Variants in CHRM2 observed in about 807,000 individuals in gnomAD.
CHRM2 encodes cholinergic receptor muscarinic 2.
A neutral mutation model predicts 25.0 loss-of-function variants in CHRM2; 8 were observed. The observed-to-expected ratio is 0.32, with a 90% CI of 0.19 to 0.58. CHRM2 has a LOEUF of 0.58. Ranked by LOEUF, CHRM2 falls within the 20% of genes least tolerant of loss-of-function variation. The pLI is 0.88. For missense variants in CHRM2, 440 were observed against 567.1 expected (o/e 0.78, Z 2.28); for synonymous variants, 202 against 205.7 (o/e 0.98, Z 0.15).
At chr7:136,886,394 A>C (rs1796465482) in intron 2 of CHRM2, among the ~76,000 whole-genome samples, 1 of 152,232 alleles carries the variant, frequency 6.6e-6, no homozygotes, top group African/African-American at 2.4e-5. Context: ...CACTGAAAGA[A>C]GCCAAAAATT....
At chr7:136,959,417 G>A (rs565343935) in intron 2 of CHRM2, among the ~76,000 whole-genome samples, 19 of 152,270 alleles carry the variant, frequency 1.2e-4, no homozygotes, top group Non-Finnish European at 1.9e-4. Flanking sequence ...ATCTGGTTCC[G>A]GTATTGTAGA....
intron 2 of CHRM2, among the ~76,000 whole-genome samples, chr7:136,894,022 C>T (rs910746002): frequency 2.0e-5 from 3 of 152,148 alleles, no homozygotes; most frequent in African/African-American, 7.2e-5. Flanking sequence ...TGTTTTCTCA[C>T]CCTAGAGTCC....
intron 2 of CHRM2, among the ~76,000 whole-genome samples, chr7:136,985,210 A>G (rs1802766534): frequency 6.6e-6 from 1 of 152,116 alleles, no homozygotes; most frequent in African/African-American, 2.4e-5. Flanking sequence ...TAGGATTTTA[A>G]AGATTACTCG....
chr7:136,945,004 A>C (rs2130831393), intron 2 of CHRM2, among the ~76,000 whole-genome samples: 1 of 152,054 alleles, frequency 6.6e-6, no homozygotes, highest in South Asian at 2.1e-4. Context: ...TAATTAGTGA[A>C]GTTGAGCATT....
chr7:136,875,023 A>AATATAT (rs10573438), intron 2 of CHRM2, among the ~76,000 whole-genome samples: 8 of 147,900 alleles, frequency 5.4e-5, no homozygotes, highest in African/African-American at 1.2e-4. Context: ...TTTCTTGCTG[A>AATATAT]ATATATATAT....
intron 2 of CHRM2, among the ~76,000 whole-genome samples, chr7:136,910,207 C>A (rs906474715): frequency 3.3e-5 from 5 of 151,822 alleles, no homozygotes; most frequent in Admixed American, 3.3e-4. Context: ...TAATGCATTG[C>A]CAGGTTCCTG....
At chr7:136,960,769 CTCTT>C (rs1563092138) in intron 2 of CHRM2, among the ~76,000 whole-genome samples, 1 of 152,146 alleles carries the variant, frequency 6.6e-6, no homozygotes, top group African/African-American at 2.4e-5. Context: ...CAGACATAAA[CTCTT>C]TCACTTGCAA....
At chr7:137,003,516 A>T (rs1349711689) in intron 3 of CHRM2, among the ~76,000 whole-genome samples, 3 of 84,326 alleles carry the variant, frequency 3.6e-5, no homozygotes, top group African/African-American at 1.5e-4. Flanking sequence ...ACACACACAC[A>T]CACACACACA....
At chr7:136,977,007 T>C (rs924021409) in intron 2 of CHRM2, among the ~76,000 whole-genome samples, 1 of 152,198 alleles carries the variant, frequency 6.6e-6, no homozygotes, top group Non-Finnish European at 1.5e-5. Flanking sequence ...ACACATAACA[T>C]TCCTATTGTA....
Position 136,909,368 on chromosome 7 carries a change from C to T in CHRM2, c.-125+39950C>T, listed in dbSNP as rs116589036. ...GCATTTTTGGAGAGATGGTAACAGA[C>T]GATAGTATTTACTGATTACCATATG... On this transcript the variant is annotated intron_variant, in intron 2 of 3. Transcript: ENST00000680005. Among the ~76,000 whole-genome samples, 861 of 151,904 alleles carry T rather than the reference C, an allele frequency of 5.7e-3. 4 individuals are homozygous for T. Among genetic ancestry groups the T allele is most frequent in the African/African-American group, 0.02 (830 of 41,478 alleles).
intron 2 of CHRM2, among the ~76,000 whole-genome samples, chr7:136,955,948 T>C (rs1800698294): frequency 6.6e-6 from 1 of 152,216 alleles, no homozygotes; most frequent in Admixed American, 6.5e-5. Context: ...TTATTTTTAA[T>C]ATATTTTATT....
intron 3 of CHRM2, among the ~76,000 whole-genome samples, chr7:136,995,547 G>C (rs1803538222): frequency 6.6e-6 from 1 of 152,124 alleles, no homozygotes; most frequent in African/African-American, 2.4e-5. Context: ...AGAATCACTT[G>C]AGCCCAGGAA....
chr7:136,916,441 C>T (rs1798117981), intron 2 of CHRM2, among the ~76,000 whole-genome samples: 1 of 151,580 alleles, frequency 6.6e-6, no homozygotes, highest in East Asian at 1.9e-4. Flanking sequence ...CTATAAGATG[C>T]CCTCATAATA....
chr7:137,019,664 C>G lies in CHRM2; in HGVS notation c.*3398C>G, dbSNP rs979172416. The G allele has an allele frequency of 5.9e-5, 9 of 151,838 alleles. No homozygotes were observed. The highest frequency in any genetic ancestry group is 2.2e-4 in the African/African-American group (9 of 41,472). 9.4% of individuals were successfully genotyped at this position (151,838 alleles called of 1,614,324 possible). A position where few individuals can be genotyped will look rare whatever the true frequency, so the allele number is the denominator to read the frequency against. On this transcript the variant is annotated 3_prime_UTR_variant, in exon 4 of 4. Coordinates refer to ENST00000680005, the MANE Select transcript of CHRM2 (RefSeq NM_001006630.2). ...TATGGAAAAAGTCTGTTCATTTCTT[C>G]GAAACAAGAAATGATTTTCCTTTTA...
At chr7:136,931,637 G>A (rs1305848169) in intron 2 of CHRM2, among the ~76,000 whole-genome samples, 1 of 152,158 alleles carries the variant, frequency 6.6e-6, no homozygotes, top group Non-Finnish European at 1.5e-5. Context: ...TGTTATCTCT[G>A]TGATGTTGTC....
Position 137,016,495 on chromosome 7 carries a change from T to G in CHRM2, c.*229T>G, listed in dbSNP as rs1260395394. ...GAGCAATGAGACAATGAAAGAAACA[T>G]GTTGGGATCGTGGATTTAAGAAACT... On this transcript the variant is annotated 3_prime_UTR_variant, in exon 4 of 4. Transcript: ENST00000680005. The G allele has an allele frequency of 7.4e-6, 4 of 543,262 alleles. No homozygotes were observed. In the African/African-American group the frequency reaches 7.6e-5, roughly 10 times the overall value. 33.7% of individuals were successfully genotyped at this position (543,262 alleles called of 1,614,324 possible). A position where few individuals can be genotyped will look rare whatever the true frequency, so the allele number is the denominator to read the frequency against.
At chr7:136,905,270 CT>C (rs1221334100) in intron 2 of CHRM2, among the ~76,000 whole-genome samples, 3 of 151,638 alleles carry the variant, frequency 2.0e-5, no homozygotes, top group Non-Finnish European at 3.0e-5. Context: ...AGATCATTTT[CT>C]TTGTTGAAAA....
chr7:136,944,820 CA>C (rs1442341431), intron 2 of CHRM2, among the ~76,000 whole-genome samples: 1 of 151,862 alleles, frequency 6.6e-6, no homozygotes, highest in Non-Finnish European at 1.5e-5. Flanking sequence ...CTTTTAATGG[CA>C]AAAACCACAA....
chr7:136,959,472 G>T (rs1800932474), intron 2 of CHRM2, among the ~76,000 whole-genome samples: 1 of 152,202 alleles, frequency 6.6e-6, no homozygotes, highest in South Asian at 2.1e-4. Context: ...AAATGTAGAG[G>T]TTGGTAAAAG....
Sources: allele counts gnomAD v4.1 joint callset (sites outside exome capture counted in the v4.1 genomes callset), GRCh38; gene constraint gnomAD v4.1.1; transcripts MANE v1.5; gene names NCBI Gene and HGNC (gene_info 2026-07-23, HGNC 2026-07-21).